Variants in ANKRD26 observed in about 807,000 individuals in gnomAD.
The protein encoded by ANKRD26 is ankyrin repeat domain 26, also known as ankyrin repeat domain-containing protein 26.
A neutral mutation model predicts 208.7 loss-of-function variants in ANKRD26; 141 were observed. The ratio of observed to expected loss-of-function variants is 0.68; its 90% CI spans 0.59 to 0.78. The LOEUF is 0.78. Ranked by LOEUF, ANKRD26 falls within the 30% of genes least tolerant of loss-of-function variation. The pLI is 0.00. For synonymous variants in ANKRD26, 636 were observed against 660.4 expected, an observed-to-expected ratio of 0.96 and a Z score of 0.57; for missense variants, 1,889 against 1,938.7, an observed-to-expected ratio of 0.97 and a Z score of 0.48.
At chr10:27,092,585 A>G in intron 3 of ANKRD26, 73 bp from the exon 4 acceptor site, 4 of 1,121,882 alleles carry the variant, frequency 3.6e-6, no homozygotes, top group Non-Finnish European at 5.3e-6. Context: ...ACTCTATGTC[A>G]GATCCTTTGA....
At chr10:27,079,045 T>C (rs776032029) in intron 7 of ANKRD26, 44 bp downstream of exon 7, 3 of 1,523,506 alleles carry the variant, frequency 2.0e-6, no homozygotes, top group Non-Finnish European at 2.7e-6. Context: ...TATACGAAAC[T>C]AGATTCAGAG....
the ANKRD26 span, among the ~76,000 whole-genome samples, chr10:26,964,632 G>C: frequency 1.3e-5 from 2 of 152,248 alleles, no homozygotes; most frequent in Admixed American, 6.5e-5. Flanking sequence ...AAACACTAAG[G>C]GTCCCCTTCT....
intron 9 of ANKRD26, among the ~76,000 whole-genome samples, chr10:27,075,065 C>T (rs531204627): frequency 9.3e-4 from 141 of 152,206 alleles, no homozygotes; most frequent in African/African-American, 3.3e-3. Context: ...ACTAGACCAG[C>T]CCTACAAGAA....
downstream of ANKRD26, among the ~76,000 whole-genome samples, chr10:26,991,307 T>A (rs1173253531): frequency 6.6e-6 from 1 of 152,170 alleles, no homozygotes; most frequent in Non-Finnish European, 1.5e-5. Flanking sequence ...ACGGCAACTC[T>A]CGGTCATTGT....
At chr10:27,079,513 G>C (rs1005329192) in intron 6 of ANKRD26, among the ~76,000 whole-genome samples, 2 of 152,140 alleles carry the variant, frequency 1.3e-5, no homozygotes, top group Non-Finnish European at 2.9e-5. Context: ...CCAATTAATG[G>C]CTGATATAAC....
At chr10:27,050,219 C>CAAAAAAAAAAAAAAAAAAAAAA in intron 16 of ANKRD26, among the ~76,000 whole-genome samples, 75 of 33,024 alleles carry the variant, frequency 2.3e-3, no homozygotes, top group Non-Finnish European at 3.3e-3. Flanking sequence ...GAATCTGTCT[C>CAAAAAAAAAAAAAAAAAAAAAA]AAAAAAAAAA....
chr10:27,073,696 A>G (rs2055587387), intron 9 of ANKRD26, among the ~76,000 whole-genome samples: 1 of 152,204 alleles, frequency 6.6e-6, no homozygotes, highest in Non-Finnish European at 1.5e-5. Context: ...TGTTCAATCC[A>G]GTAAATAAAA....
intron 4 of ANKRD26, among the ~76,000 whole-genome samples, chr10:27,091,856 G>A (rs1299032862): frequency 1.3e-5 from 2 of 152,020 alleles, no homozygotes; most frequent in African/African-American, 4.8e-5. Flanking sequence ...GTGTGGTGGT[G>A]TGCACCAGTA....
At chr10:26,953,364 C>T in the ANKRD26 span, among the ~76,000 whole-genome samples, 49 of 152,220 alleles carry the variant, frequency 3.2e-4, 1 homozygote, top group South Asian at 8.1e-3. Flanking sequence ...TTCGAGAGTT[C>T]GAGGCTGCAG....
intron 20 of ANKRD26, among the ~76,000 whole-genome samples, chr10:27,042,798 C>CAAAAAAAAAAAAAAAA (rs60850386): frequency 1.8e-4 from 9 of 48,946 alleles, no homozygotes; most frequent in East Asian, 9.4e-4. Context: ...CAAAAAAATA[C>CAAAAAAAAAAAAAAAA]AAAAAAAAAA....
At chr10:27,003,171 G>A (rs560469121), downstream of ANKRD26, among the ~76,000 whole-genome samples, 6 of 152,260 alleles carry the variant, frequency 3.9e-5, no homozygotes, top group African/African-American at 1.4e-4. Flanking sequence ...CAGGATGAAG[G>A]GAGCCAGGTT....
intron 1 of ANKRD26, 25 bp from the exon 2 acceptor site, chr10:27,093,824 T>C (rs1564437309): frequency 6.7e-7 from 1 of 1,484,304 alleles, no homozygotes; most frequent in East Asian, 2.3e-5. Context: ...GGACTTTTTA[T>C]AAACTGTAGT....
At chr10:27,063,468 G>A (rs761700714) in intron 12 of ANKRD26, among the ~76,000 whole-genome samples, 4 of 151,730 alleles carry the variant, frequency 2.6e-5, no homozygotes, top group South Asian at 2.1e-4. Context: ...TTACAGGTGC[G>A]TGCCACCACA....
chr10:26,990,832 A>C (rs12571809), downstream of ANKRD26, among the ~76,000 whole-genome samples: 3,181 of 152,318 alleles, frequency 0.021, 173 homozygotes, highest in East Asian at 0.17. Context: ...GATCAGCAAA[A>C]TAAACACTGA....
intron 16 of ANKRD26, chr10:27,052,106 CT>C: frequency 1.0e-6 from 1 of 985,314 alleles, no homozygotes; most frequent in Non-Finnish European, 1.2e-6. Flanking sequence ...TTTCAGATGT[CT>C]TTTCTGTCAG....
chr10:27,066,349 TATG>T, intron 11 of ANKRD26, 135 bp downstream of exon 11: 1 of 533,778 alleles, frequency 1.9e-6, no homozygotes. Context: ...CTTTATTAAT[TATG>T]AACTGAAAAA....
At chr10:27,023,640 C>T (rs900047657) in intron 28 of ANKRD26, among the ~76,000 whole-genome samples, 1 of 152,074 alleles carries the variant, frequency 6.6e-6, no homozygotes, top group Non-Finnish European at 1.5e-5. Flanking sequence ...GAAATCTTTA[C>T]TAGCACAACG....
At chr10:27,083,030 C>T (rs1373304725) in intron 5 of ANKRD26, among the ~76,000 whole-genome samples, 197 bp from the exon 6 acceptor site, 1 of 152,080 alleles carries the variant, frequency 6.6e-6, no homozygotes, top group African/African-American at 2.4e-5. Flanking sequence ...TGCAGACCTG[C>T]CACTCTTCTC....
At chr10:27,047,728 ATAATAATAATAATTAT>A (rs2054503617) in intron 17 of ANKRD26, among the ~76,000 whole-genome samples, 1 of 139,548 alleles carries the variant, frequency 7.2e-6, no homozygotes, top group Non-Finnish European at 1.6e-5. Flanking sequence ...ACTACTAATA[ATAATAATAATAATTAT>A]TATTATTATT....
Sources: gnomAD v4.1 joint callset for allele counts (sites outside exome capture counted in the v4.1 genomes callset) on GRCh38, gnomAD v4.1.1 for gene constraint, MANE v1.5 for transcripts, NCBI Gene and HGNC (gene_info 2026-07-23, HGNC 2026-07-21) for gene names.